The following CBLB variants were observed in gnomAD, a reference collection of about 807,000 sequenced individuals.
CBLB encodes the protein Cbl proto-oncogene B, also known as E3 ubiquitin-protein ligase CBL-B.
A neutral mutation model predicts 104.9 loss-of-function variants in CBLB; 31 were observed. The observed-to-expected ratio is 0.30, with a 90% CI of 0.22 to 0.40. The LOEUF is 0.40. CBLB is among the 10% of genes least tolerant of loss of function. The pLI, the probability that CBLB is intolerant of heterozygous loss-of-function variation, is 1.00. For synonymous variants in CBLB, 440 were observed against 422.6 expected, an observed-to-expected ratio of 1.04 and a Z score of -0.51; for missense variants, 1,062 against 1,214.6, an observed-to-expected ratio of 0.87 and a Z score of 1.87.
Position 105,868,948 on chromosome 3 carries a change from C to T in CBLB, c.-227G>A, listed in dbSNP as rs529895243. 1,475 of 1,023,802 alleles carry T rather than the reference C, an allele frequency of 1.4e-3. 1 individual carries two copies. The highest frequency in any genetic ancestry group is 2.8e-3 in the South Asian group (79 of 28,522). The allele number at this position is 1,023,802 out of a possible 1,614,324, so 63.4% of individuals were successfully genotyped here. ...ATCCACACCCGCTCTCCCCTCCCGCCCGACTCGGGGAGGCCGCGGGACGCC... is the reference window on the plus strand; with the variant it reads ...ATCCACACCCGCTCTCCCCTCCCGCTCGACTCGGGGAGGCCGCGGGACGCC... On this transcript the variant is annotated 5_prime_UTR_variant, in exon 1 of 19. Transcript: ENST00000394030.
chr3:105,682,286 G>C (rs2066408590), intron 14 of CBLB, among the ~76,000 whole-genome samples: 1 of 152,074 alleles, frequency 6.6e-6, no homozygotes, highest in Non-Finnish European at 1.5e-5. Context: ...GCACATAAAA[G>C]AAGAAAAATT....
Position 105,658,960 on chromosome 3 carries a change from G to A in CBLB, c.*10C>T, listed in dbSNP as rs377591506. 6 of 1,613,476 alleles carry A rather than the reference G, an allele frequency of 3.7e-6. No individual in the cohort carries two copies. The highest frequency in any genetic ancestry group is 1.3e-5 in the African/African-American group (1 of 74,846). On this transcript the variant is annotated 3_prime_UTR_variant, in exon 19 of 19. Transcript: ENST00000394030. ...ATTGCTTTCCATTTTGGTGTCTACA[G>A]TTCTGGCTGCTATAGATTTAGACGT...
chr3:105,693,293 T>TTA (rs1056315575), intron 13 of CBLB, among the ~76,000 whole-genome samples: 1 of 152,056 alleles, frequency 6.6e-6, no homozygotes, highest in African/African-American at 2.4e-5. Flanking sequence ...AGAGTTTAGG[T>TTA]AAGTCTCACA....
Position 105,804,846 on chromosome 3 carries a change from C to T in CBLB, c.420-28304G>A, listed in dbSNP as rs76991445. ...ATCCTTGAATTCATTTATATATTCCCCTATAGTAGAACAGCCTTCCTTTAT... is the reference window on the plus strand; with the variant it reads ...ATCCTTGAATTCATTTATATATTCCTCTATAGTAGAACAGCCTTCCTTTAT... On this transcript the variant is annotated intron_variant, in intron 3 of 18. Transcript: ENST00000394030. Among the ~76,000 whole-genome samples the T allele has an allele frequency of 9.7e-3, 1,468 of 152,070 alleles. 13 individuals are homozygous for T. The highest frequency in any genetic ancestry group is 0.017 in the Non-Finnish European group (1,143 of 67,988).
intron 4 of CBLB, among the ~76,000 whole-genome samples, chr3:105,769,721 A>G (rs2078637920): frequency 6.6e-6 from 1 of 152,256 alleles, no homozygotes; most frequent in African/African-American, 2.4e-5. Context: ...AATGATAAGT[A>G]GAAAAAAAGA....
chr3:105,692,845 G>C (rs1254285203), intron 13 of CBLB, among the ~76,000 whole-genome samples: 2 of 149,378 alleles, frequency 1.3e-5, no homozygotes, highest in Non-Finnish European at 3.0e-5. Flanking sequence ...AGTTTATCCT[G>C]GTTTAACTTG....
At chr3:105,847,924 TA>T (rs2153109077) in intron 3 of CBLB, among the ~76,000 whole-genome samples, 1 of 152,270 alleles carries the variant, frequency 6.6e-6, no homozygotes, top group South Asian at 2.1e-4. Flanking sequence ...CTTGCGCCAC[TA>T]AAACTTTAAG....
At chr3:105,840,767 T>C (rs2089424144) in intron 3 of CBLB, among the ~76,000 whole-genome samples, 1 of 152,170 alleles carries the variant, frequency 6.6e-6, no homozygotes, top group African/African-American at 2.4e-5. Flanking sequence ...ATATCATTCT[T>C]ATATCACATA....
chr3:105,695,495 A>G (rs1323525224), intron 12 of CBLB, among the ~76,000 whole-genome samples: 1 of 151,854 alleles, frequency 6.6e-6, no homozygotes, highest in African/African-American at 2.4e-5. Context: ...CATACAGGCA[A>G]TGATGTCTAT....
At chr3:105,665,416 A>AATATATAT (rs71111381) in intron 18 of CBLB, among the ~76,000 whole-genome samples, 8 of 98,606 alleles carry the variant, frequency 8.1e-5, no homozygotes, top group Admixed American at 4.4e-4. Flanking sequence ...TAAATAAATA[A>AATATATAT]ATATATATAT....
chr3:105,693,413 G>T, intron 13 of CBLB, 81 bp downstream of exon 13: 1 of 789,464 alleles, frequency 1.3e-6, no homozygotes, highest in Admixed American at 2.1e-5. Flanking sequence ...ATCATGTAGT[G>T]TCTGTACTGA....
Position 105,681,400 on chromosome 3 carries a change from A to C in CBLB, c.2428+79T>G, listed in dbSNP as rs2066297222. 12 of 1,475,072 alleles carry C rather than the reference A, an allele frequency of 8.1e-6. No individual in the cohort carries two copies. The South Asian group carries it at 1.4e-4, about 17-fold the overall frequency. 91.4% of individuals were successfully genotyped at this position (1,475,072 alleles called of 1,614,324 possible). A position where few individuals can be genotyped will look rare whatever the true frequency, so the allele number is the denominator to read the frequency against. On this transcript the variant is annotated intron_variant, in intron 16 of 18. Transcript: ENST00000394030. ...TCACAACCCAGTGAGTCTGTGTTAT[A>C]CTGAACTCTGAATTCTGAAAATTCT...
chr3:105,759,974 T>A (rs2077460997), intron 4 of CBLB, among the ~76,000 whole-genome samples: 1 of 152,194 alleles, frequency 6.6e-6, no homozygotes, highest in African/African-American at 2.4e-5. Context: ...CATCATTACT[T>A]CTCTGTATAG....
intron 12 of CBLB, among the ~76,000 whole-genome samples, chr3:105,698,245 T>A (rs2068639067): frequency 6.6e-6 from 1 of 152,054 alleles, no homozygotes; most frequent in Non-Finnish European, 1.5e-5. Flanking sequence ...GCTAGAATAA[T>A]TTTTTCCTCA....
chr3:105,803,677 C>T (rs1372084803), intron 3 of CBLB, among the ~76,000 whole-genome samples: 2 of 152,038 alleles, frequency 1.3e-5, no homozygotes, highest in Non-Finnish European at 2.9e-5. Context: ...GGAGACAGTC[C>T]ATTCTTAGTA....
intron 3 of CBLB, among the ~76,000 whole-genome samples, chr3:105,821,134 T>C (rs1304336005): frequency 6.6e-6 from 1 of 152,102 alleles, no homozygotes; most frequent in Non-Finnish European, 1.5e-5. Flanking sequence ...ATGAAGAAAA[T>C]TGATCCATGT....
At chr3:105,771,028 A>C (rs1166559650) in intron 4 of CBLB, among the ~76,000 whole-genome samples, 3 of 152,236 alleles carry the variant, frequency 2.0e-5, no homozygotes, top group African/African-American at 7.2e-5. Context: ...GAAAGAGGGA[A>C]TCCTCCGTAA....
intron 2 of CBLB, among the ~76,000 whole-genome samples, chr3:105,864,976 C>A (rs1025806132): frequency 1.3e-5 from 2 of 152,160 alleles, no homozygotes; most frequent in African/African-American, 4.8e-5. Context: ...ATTAACTATA[C>A]ACTTAACTCT....
chr3:105,856,976 T>C (rs2091683966), intron 2 of CBLB, among the ~76,000 whole-genome samples: 1 of 152,190 alleles, frequency 6.6e-6, no homozygotes, highest in Non-Finnish European at 1.5e-5. Context: ...TATACATAAA[T>C]ACCAAGAATA....
Sources: gnomAD v4.1 joint callset for allele counts (sites outside exome capture counted in the v4.1 genomes callset) on GRCh38, gnomAD v4.1.1 for gene constraint, MANE v1.5 for transcripts, NCBI Gene and HGNC (gene_info 2026-07-23, HGNC 2026-07-21) for gene names.